Variants in SMIM14 observed in about 807,000 individuals in gnomAD.
SMIM14 encodes small integral membrane protein 14, also known as chromosome 4 open reading frame 34.
A neutral mutation model predicts 12.6 loss-of-function variants in SMIM14; 5 were observed. The observed-to-expected ratio is 0.40, with a 90% CI of 0.21 to 0.83. The LOEUF (loss-of-function observed/expected upper bound fraction) is 0.83. Ranked by LOEUF, SMIM14 falls within the 40% of genes least tolerant of loss-of-function variation. The probability of loss-of-function intolerance (pLI) is 0.37; values close to 1 mark genes in which losing one functional copy is unlikely to be tolerated. For synonymous variants in SMIM14, 30 were observed against 40.1 expected, an observed-to-expected ratio of 0.75 and a Z score of 0.95; for missense variants, 86 against 119.1, an observed-to-expected ratio of 0.72 and a Z score of 1.29.
chr4:39,559,635 A>G (rs1426737786), intron 3 of SMIM14, among the ~76,000 whole-genome samples: 1 of 152,180 alleles, frequency 6.6e-6, no homozygotes. Flanking sequence ...AATTGGTGGC[A>G]CTGCTGAGGC....
chr4:39,612,022 T>C, intron 1 of SMIM14: 1 of 152,090 alleles, frequency 6.6e-6, no homozygotes. Flanking sequence ...AGATGCGGCC[T>C]GAGCTGGAGA....
At position 39,550,862 on chromosome 4, in the gene SMIM14, C is replaced by T. The variant is rs1028403846; in HGVS notation, c.*1264G>A. On this transcript the variant is annotated 3_prime_UTR_variant, in exon 5 of 5. Coordinates refer to ENST00000295958, the MANE Select transcript of SMIM14 (RefSeq NM_174921.3). ...TCAATGTAGTAAATAAGTAAATAGG[C>T]ATTCAAATATCAGTAACCTAACAGG... The T allele has an allele frequency of 3.3e-5, 5 of 151,456 alleles. No individual in the cohort carries two copies. Among genetic ancestry groups the T allele is most frequent in the African/African-American group, 1.2e-4 (5 of 41,220 alleles). The allele number at this position is 151,456 out of a possible 1,614,324, so 9.4% of individuals were successfully genotyped here. A position where few individuals can be genotyped will look rare whatever the true frequency, so the allele number is the denominator to read the frequency against.
intron 1 of SMIM14, among the ~76,000 whole-genome samples, chr4:39,614,964 G>A (rs1715165756): frequency 6.6e-6 from 1 of 152,178 alleles, no homozygotes; most frequent in African/African-American, 2.4e-5. Context: ...TCATACTGTT[G>A]CTATATGTGG....
intron 1 of SMIM14, among the ~76,000 whole-genome samples, chr4:39,634,570 T>C (rs1308641463): frequency 1.3e-5 from 2 of 152,152 alleles, no homozygotes; most frequent in Non-Finnish European, 2.9e-5. Flanking sequence ...TATAAAGTAG[T>C]GTTCCCAAAA....
chr4:39,589,284 A>G (rs1713937643), intron 2 of SMIM14, among the ~76,000 whole-genome samples: 1 of 152,028 alleles, frequency 6.6e-6, no homozygotes, highest in Non-Finnish European at 1.5e-5. Context: ...ATGAGTTTTC[A>G]CCATGTTGAC....
At chr4:39,623,761 C>G (rs1440978898) in intron 1 of SMIM14, among the ~76,000 whole-genome samples, 1 of 152,080 alleles carries the variant, frequency 6.6e-6, no homozygotes, top group Non-Finnish European at 1.5e-5. Context: ...ACTTGGGAGG[C>G]TGAGGCAGGA....
chr4:39,596,707 G>A (rs557360209), intron 2 of SMIM14, among the ~76,000 whole-genome samples: 3 of 152,124 alleles, frequency 2.0e-5, no homozygotes, highest in African/African-American at 7.2e-5. Context: ...CAATACACAA[G>A]CCTACAAAGT....
intron 1 of SMIM14, among the ~76,000 whole-genome samples, chr4:39,610,455 T>G (rs1465321680): frequency 6.6e-6 from 1 of 152,042 alleles, no homozygotes; most frequent in Non-Finnish European, 1.5e-5. Context: ...ATTGTCTTTT[T>G]TTTTAAAGTA....
intron 2 of SMIM14, among the ~76,000 whole-genome samples, chr4:39,602,162 T>C (rs950946167): frequency 3.3e-5 from 5 of 151,072 alleles, no homozygotes; most frequent in Admixed American, 6.6e-5. Context: ...GGCAGGAGGA[T>C]TGCTTGAGCC....
rs986171375 is a variant in SMIM14, at chr4:39,550,591, A to G, written c.*1535T>C. The G allele has an allele frequency of 2.0e-5, 3 of 152,188 alleles. No homozygotes were observed. The highest frequency in any genetic ancestry group is 6.5e-5 in the Admixed American group (1 of 15,280). The allele number at this position is 152,188 out of a possible 1,614,324, so 9.4% of individuals were successfully genotyped here. A position where few individuals can be genotyped will look rare whatever the true frequency, so the allele number is the denominator to read the frequency against. On this transcript the variant is annotated 3_prime_UTR_variant, in exon 5 of 5. Coordinates refer to ENST00000295958, the MANE Select transcript of SMIM14 (RefSeq NM_174921.3). ...GCCACCGTGCCCAGCCCATGCAGAC[A>G]TTTTTAAGTGCTATTGGTATTCACT...
chr4:39,617,905 T>C (rs545009667), intron 1 of SMIM14, among the ~76,000 whole-genome samples: 1 of 152,294 alleles, frequency 6.6e-6, no homozygotes, highest in Admixed American at 6.5e-5. Context: ...TAAAAACATA[T>C]AAGACGGAAA....
intron 2 of SMIM14, among the ~76,000 whole-genome samples, chr4:39,579,082 C>T (rs1440613159): frequency 2.0e-5 from 3 of 150,704 alleles, no homozygotes; most frequent in Non-Finnish European, 4.4e-5. Context: ...GTTATTTCTT[C>T]AGTGGGAGAA....
At chr4:39,590,735 T>C (rs1011396008) in intron 2 of SMIM14, among the ~76,000 whole-genome samples, 1 of 149,146 alleles carries the variant, frequency 6.7e-6, no homozygotes, top group Non-Finnish European at 1.5e-5. Context: ...CCAGGAGGCG[T>C]AGGTTGCTGT....
intron 1 of SMIM14, among the ~76,000 whole-genome samples, chr4:39,620,551 G>A (rs983219091): frequency 2.6e-5 from 4 of 152,090 alleles, no homozygotes; most frequent in Admixed American, 2.6e-4. Context: ...GCCCAGGTTG[G>A]TCGACATAGC....
chr4:39,601,556 G>A (rs886889186), intron 2 of SMIM14, among the ~76,000 whole-genome samples: 2 of 152,168 alleles, frequency 1.3e-5, no homozygotes, highest in Admixed American at 1.3e-4. Flanking sequence ...CAGATAAATT[G>A]CTTTTAAAAT....
At chr4:39,585,236 C>T (rs751460797) in intron 2 of SMIM14, among the ~76,000 whole-genome samples, 2 of 151,764 alleles carry the variant, frequency 1.3e-5, no homozygotes, top group Non-Finnish European at 2.9e-5. Flanking sequence ...ACATTTTGCT[C>T]CATATTTCTA....
chr4:39,621,681 CGTTTCTTT>C (rs1384402721), intron 1 of SMIM14, among the ~76,000 whole-genome samples: 3 of 133,172 alleles, frequency 2.3e-5, no homozygotes, highest in African/African-American at 5.8e-5. Flanking sequence ...TACAGCCAAA[CGTTTCTTT>C]TTTTTTTTTT....
chr4:39,612,287 A>G (rs781416209), intron 1 of SMIM14, among the ~76,000 whole-genome samples: 3 of 151,878 alleles, frequency 2.0e-5, no homozygotes, highest in Non-Finnish European at 4.4e-5. Flanking sequence ...ATGGAGTTGC[A>G]CTCGTTACCC....
intron 1 of SMIM14, among the ~76,000 whole-genome samples, chr4:39,635,702 T>C (rs924589237): frequency 6.6e-6 from 1 of 152,206 alleles, no homozygotes; most frequent in Non-Finnish European, 1.5e-5. Flanking sequence ...AGATTTTAGG[T>C]AAGTTTATGA....
Sources: allele counts gnomAD v4.1 joint callset (sites outside exome capture counted in the v4.1 genomes callset), GRCh38; gene constraint gnomAD v4.1.1; transcripts MANE v1.5; gene names NCBI Gene and HGNC (gene_info 2026-07-23, HGNC 2026-07-21).